The following CDC42EP3 variants were observed in gnomAD, a reference collection of about 807,000 sequenced individuals.
CDC42EP3 encodes CDC42 effector protein (Rho GTPase binding) 3.
CDC42EP3 carries 4 observed loss-of-function variants against 15.5 expected under a neutral mutation model. The observed-to-expected ratio is 0.26, with a 90% confidence interval of 0.13 to 0.59. The LOEUF is 0.59. CDC42EP3 is among the 20% of genes least tolerant of loss of function. The pLI is 0.89. For synonymous variants in CDC42EP3, 145 were observed against 130.3 expected (o/e 1.11, Z -0.77); for missense variants, 309 against 311.2 (o/e 0.99, Z 0.05).
chr2:37,645,905 G>C lies in CDC42EP3; in HGVS notation c.683C>G (p.Thr228Arg), dbSNP rs1189990673. 5 of 1,610,704 alleles carry C rather than the reference G, an allele frequency of 3.1e-6. No homozygotes were observed. Among genetic ancestry groups the C allele is most frequent in the Non-Finnish European group, 4.2e-6 (5 of 1,178,392 alleles). The change falls in exon 2 of 2, where the codon ACA becomes AGA. Residue 228 changes from threonine (T) to arginine (R), a missense_variant. Physicochemically the swap from Thr to Arg is moderately conservative, Grantham distance 71. Transcript: ENST00000295324. ...TKSEESLSDL[T>R]GSLLSLQLDL... ...AAGCTGCAGGGAGAGGAGGGAACCT[G>C]TAAGGTCAGAGAGGGACTCCTCTGA...
At chr2:37,669,777 T>C (rs929773643) in intron 1 of CDC42EP3, among the ~76,000 whole-genome samples, 9 of 152,248 alleles carry the variant, frequency 5.9e-5, no homozygotes, top group African/African-American at 2.2e-4. Flanking sequence ...TTTATTCAAA[T>C]GGGTGAGGCC....
chr2:37,646,857 G>T, intron 1 of CDC42EP3, 35 bp from the exon 2 acceptor site: 1 of 297,184 alleles, frequency 3.4e-6, no homozygotes. Context: ...ATAAGCTAAA[G>T]ACCCTTTTGG....
In CDC42EP3 at chr2:37,646,633, C is replaced by A; in HGVS notation, c.-46G>T. On this transcript the variant is annotated 5_prime_UTR_variant, in exon 2 of 2. Transcript: ENST00000295324. ...ATTTTGCAAGCGGGAGAAAGGGCCA[C>A]TTTCTTCACAGATGGTATATGTTTC... The A allele has an allele frequency of 6.8e-7, 1 of 1,476,524 alleles. No individual in the cohort carries two copies. Among genetic ancestry groups the A allele is most frequent in the South Asian group, 1.4e-5 (1 of 73,152 alleles). The allele number at this position is 1,476,524 out of a possible 1,614,324, so 91.5% of individuals were successfully genotyped here.
Position 37,644,100 on chromosome 2 carries a change from A to C in CDC42EP3, c.*1723T>G, listed in dbSNP as rs1665362713. On this transcript the variant is annotated 3_prime_UTR_variant, in exon 2 of 2. Transcript: ENST00000295324. ...TTCCAATGCGGTCCAGGGAAGCTAA[A>C]ATATTGGACACCCCTGCCTAGGGGA... 1 of 151,988 alleles carries C rather than the reference A, an allele frequency of 6.6e-6. No individual in the cohort carries two copies. Among genetic ancestry groups the C allele is most frequent in the Non-Finnish European group, 1.5e-5 (1 of 67,994 alleles). The allele number at this position is 151,988 out of a possible 1,614,324, so 9.4% of individuals were successfully genotyped here.
intron 1 of CDC42EP3, among the ~76,000 whole-genome samples, chr2:37,670,250 AT>A (rs891900016): frequency 1.3e-5 from 2 of 152,036 alleles, no homozygotes; most frequent in African/African-American, 4.8e-5. Flanking sequence ...TGCTCTCCTA[AT>A]TTTTGTTCCT....
intron 1 of CDC42EP3, among the ~76,000 whole-genome samples, chr2:37,656,868 C>G (rs1665866764): frequency 6.6e-6 from 1 of 152,026 alleles, no homozygotes; most frequent in African/African-American, 2.4e-5. Context: ...ACTGGTCCCT[C>G]CATCTCTAAC....
At position 37,645,995 on chromosome 2, in the gene CDC42EP3, T is replaced by C. The variant is rs1331965303; in HGVS notation, c.593A>G (p.Asp198Gly). The change falls in exon 2 of 2, where the codon GAC (aspartate) becomes GGC (glycine). Residue 198 changes from aspartate to glycine, a missense_variant. Physicochemically the swap from Asp to Gly is moderately conservative, Grantham distance 94. Coordinates refer to ENST00000295324, the MANE Select transcript of CDC42EP3 (RefSeq NM_006449.5). The part of the protein sequence containing the change: ...HSSSLSEQYP[D>G]WPAEDMFDHP... ...GTCAAACATGTCCTCGGCTGGCCAG[T>C]CGGGGTACTGTTCGGACAGGCTGGA... The C allele has an allele frequency of 6.2e-7, 1 of 1,613,916 alleles. No homozygotes were observed. Among genetic ancestry groups the C allele is most frequent in the Non-Finnish European group, 8.5e-7 (1 of 1,179,914 alleles).
chr2:37,646,411 A>T lies in CDC42EP3; in HGVS notation c.177T>A (p.Leu59=), dbSNP rs781459873. Residue 59 remains leucine (L), a synonymous_variant, in exon 2 of 2, where the codon CTT becomes CTA. Transcript: ENST00000295324. ...CAGGTAAAAGCTCGTAGTTCCCTTG[A>T]AGAAAGGAAATATCTCCAAAGACAT... ...QHDVFGDISF[L]QGNYELLPGN... is the part of the protein sequence containing the mutation. 40 of 1,614,088 alleles carry T rather than the reference A, an allele frequency of 2.5e-5. 1 individual carries two copies. The East Asian group carries it at 8.5e-4, about 34-fold the overall frequency.
chr2:37,665,486 G>A (rs1666221696), intron 1 of CDC42EP3, among the ~76,000 whole-genome samples: 1 of 152,160 alleles, frequency 6.6e-6, no homozygotes, highest in African/African-American at 2.4e-5. Context: ...TAAATAAAAA[G>A]GTTGAGAAAT....
At chr2:37,663,534 C>T (rs1365544563) in intron 1 of CDC42EP3, among the ~76,000 whole-genome samples, 5 of 152,134 alleles carry the variant, frequency 3.3e-5, no homozygotes, top group East Asian at 3.9e-4. Context: ...CCAATCTCTC[C>T]GCGGAGATCT....
chr2:37,666,890 G>T (rs1034809081), intron 1 of CDC42EP3, among the ~76,000 whole-genome samples: 1 of 151,944 alleles, frequency 6.6e-6, no homozygotes, highest in African/African-American at 2.4e-5. Context: ...TGGTTTGTGG[G>T]GTATTGTTTT....
chr2:37,647,521 T>C (rs1665516642), intron 1 of CDC42EP3: 1 of 152,240 alleles, frequency 6.6e-6, no homozygotes, highest in Non-Finnish European at 1.5e-5. Flanking sequence ...TGAACAAAAC[T>C]GCTTCACTTC....
intron 1 of CDC42EP3, among the ~76,000 whole-genome samples, chr2:37,659,721 G>C (rs1665996432): frequency 6.6e-6 from 1 of 152,196 alleles, no homozygotes; most frequent in Admixed American, 6.5e-5. Context: ...TGTGTTAAGG[G>C]AGAACTTGGC....
At chr2:37,659,563 T>C (rs1409226060) in intron 1 of CDC42EP3, among the ~76,000 whole-genome samples, 1 of 152,248 alleles carries the variant, frequency 6.6e-6, no homozygotes, top group Non-Finnish European at 1.5e-5. Context: ...CTGAATGCAA[T>C]GTGCAAATAG....
At chr2:37,663,954 C>G (rs1666165653) in intron 1 of CDC42EP3, among the ~76,000 whole-genome samples, 1 of 151,986 alleles carries the variant, frequency 6.6e-6, no homozygotes, top group African/African-American at 2.4e-5. Context: ...GCGGGCAGAT[C>G]ATGAGATCAG....
At chr2:37,658,302 A>C (rs1172933139) in intron 1 of CDC42EP3, among the ~76,000 whole-genome samples, 1 of 152,206 alleles carries the variant, frequency 6.6e-6, no homozygotes, top group East Asian at 1.9e-4. Flanking sequence ...CATGTGACCA[A>C]CAGATTTTTT....
chr2:37,651,677 G>C (rs977527663), intron 1 of CDC42EP3, among the ~76,000 whole-genome samples: 8 of 152,228 alleles, frequency 5.3e-5, no homozygotes, highest in African/African-American at 1.9e-4. Flanking sequence ...AGGAAAGTGA[G>C]AAAATTCAAC....
intron 1 of CDC42EP3, among the ~76,000 whole-genome samples, chr2:37,653,874 G>A (rs959377480): frequency 2.0e-5 from 3 of 152,122 alleles, no homozygotes; most frequent in Admixed American, 6.5e-5. Context: ...AGGGACCTGC[G>A]GCTCTGTTCT....
rs60268329 is a variant in CDC42EP3, at chr2:37,661,128, T to TGTGTGTGTGC, written c.-236+10297_-236+10298insGCACACACAC. ...TGTGTACAGTGTGTGTGTGTGTGTG[T>TGTGTGTGTGC]GCGTGTGTGTATAGTGTGTGTATAT... On this transcript the variant is annotated intron_variant, in intron 1 of 1. Coordinates refer to ENST00000295324, the MANE Select transcript of CDC42EP3 (RefSeq NM_006449.5). Among the ~76,000 whole-genome samples, 5 of 147,904 alleles carry TGTGTGTGTGC rather than the reference T, an allele frequency of 3.4e-5. No homozygotes were observed. The Admixed American group carries it at 3.4e-4, about 10-fold the overall frequency.
Sources: allele counts gnomAD v4.1 joint callset (sites outside exome capture counted in the v4.1 genomes callset), GRCh38; gene constraint gnomAD v4.1.1; transcripts MANE v1.5; gene names NCBI Gene and HGNC (gene_info 2026-07-23, HGNC 2026-07-21).